Variants in KCNQ2 observed in about 807,000 individuals in gnomAD.
KCNQ2 encodes potassium voltage-gated channel subfamily Q member 2.
Under a neutral mutation model 84.8 loss-of-function variants are expected in KCNQ2, and 14 were observed. The observed-to-expected ratio is 0.17, with a 90% CI of 0.11 to 0.26. The LOEUF is 0.26. Among genes scored for constraint, KCNQ2 ranks in the 10% least tolerant of loss-of-function variants. The probability of loss-of-function intolerance (pLI) is 1.00; values close to 1 mark genes in which losing one functional copy is unlikely to be tolerated. For synonymous variants in KCNQ2, 599 were observed against 554.1 expected (o/e 1.08, Z -1.14); for missense variants, 788 against 1,254.0 (o/e 0.63, Z 5.61).
intron 15 of KCNQ2, among the ~76,000 whole-genome samples, chr20:63,411,604 C>T (rs556354544): frequency 6.6e-6 from 1 of 152,268 alleles, no homozygotes; most frequent in East Asian, 1.9e-4. Flanking sequence ...CTGCCTGGGG[C>T]CCTGGTGGAG....
At chr20:63,453,222 G>A (rs1056374953) in intron 1 of KCNQ2, among the ~76,000 whole-genome samples, 22 of 152,348 alleles carry the variant, frequency 1.4e-4, no homozygotes, top group African/African-American at 4.1e-4. Flanking sequence ...CTTCCAGCTC[G>A]AAGGCACTGG....
At chr20:63,424,416 C>A in intron 10 of KCNQ2, 1 of 604,246 alleles carries the variant, frequency 1.7e-6, no homozygotes, top group Non-Finnish European at 2.9e-6. Flanking sequence ...GAGGCAGCTC[C>A]GAGAGGGAAG....
At chr20:63,436,309 A>G (rs1297563457) in intron 7 of KCNQ2, among the ~76,000 whole-genome samples, 1 of 152,214 alleles carries the variant, frequency 6.6e-6, no homozygotes, top group East Asian at 1.9e-4. Context: ...AGGCGGGAGG[A>G]TCACGAAGTC....
At chr20:63,439,497 C>G in intron 6 of KCNQ2, 101 bp downstream of exon 6, 1 of 882,834 alleles carries the variant, frequency 1.1e-6, no homozygotes, top group Non-Finnish European at 1.9e-6. Context: ...TGCTCCTGCC[C>G]CAGGTCCCAC....
chr20:63,413,315 G>A (rs2080179738), intron 15 of KCNQ2, 135 bp downstream of exon 15: 1 of 963,182 alleles, frequency 1.0e-6, no homozygotes, highest in Non-Finnish European at 1.6e-6. Context: ...AACAGAAGCT[G>A]ACAGAGGCCG....
In KCNQ2 at chr20:63,408,194, G is replaced by A. The variant is rs1479707517; in HGVS notation, c.1887+219C>T. On this transcript the variant is annotated intron_variant, in intron 16 of 16. Transcript: ENST00000359125. This position sits in a 1 kb window ranked among gnomAD's most constrained non-coding sequence, Gnocchi z 5.0. The stretch of plus-strand genomic sequence containing the variant: ...GACTCCTGGGGACTTTGGCCCTTGG[G>A]TACTGTCAGGAGGGAAGGCACCCAG... 2.0e-5 allele frequency: 12 copies of A among 585,968 alleles called. No individual in the cohort carries two copies. Among genetic ancestry groups the A allele is most frequent in the Non-Finnish European group, 3.6e-5 (12 of 331,452 alleles). The allele number at this position is 585,968 out of a possible 1,614,324, so 36.3% of individuals were successfully genotyped here.
At position 63,402,354 on chromosome 20, in the gene KCNQ2, G is replaced by A. The variant is rs1568845760; in HGVS notation, c.*4290C>T. The A allele has an allele frequency of 6.4e-6, 1 of 156,296 alleles. No homozygotes were observed. The highest frequency in any genetic ancestry group is 1.4e-5 in the Non-Finnish European group (1 of 70,596). The allele number at this position is 156,296 out of a possible 1,614,324, so 9.7% of individuals were successfully genotyped here. A position where few individuals can be genotyped will look rare whatever the true frequency, so the allele number is the denominator to read the frequency against. ...AACCTGTGATCTTGCCAATGCCCCA[G>A]CCTCTGCTCTGTACGGCATTCATAG... On this transcript the variant is annotated 3_prime_UTR_variant, in exon 17 of 17. Coordinates refer to ENST00000359125, the MANE Select transcript of KCNQ2 (RefSeq NM_172107.4).
rs62208030 is a variant in KCNQ2, at chr20:63,442,728, T to C, written c.691-197A>G. ...ACCATCACCACCACCACCACCATCA[T>C]CACCACCTCCACCATCACCACCATC... On this transcript the variant is annotated intron_variant, in intron 4 of 16. Coordinates refer to ENST00000359125, the MANE Select transcript of KCNQ2 (RefSeq NM_172107.4). Among the ~76,000 whole-genome samples, 19,795 of 33,686 alleles carry C rather than the reference T, an allele frequency of 0.59. 5,273 individuals carry two copies. The highest frequency in any genetic ancestry group is 0.67 in the East Asian group (595 of 894). 22.1% of individuals were successfully genotyped at this position (33,686 alleles called of 152,430 possible). A position where few individuals can be genotyped will look rare whatever the true frequency, so the allele number is the denominator to read the frequency against.
Position 63,423,294 on chromosome 20 carries a change from C to T in KCNQ2, c.1247+883G>A, listed in dbSNP as rs564613821. Among the ~76,000 whole-genome samples the T allele has an allele frequency of 2.0e-5, 3 of 152,294 alleles. No homozygotes were observed. In the South Asian group the frequency reaches 6.2e-4, roughly 32 times the overall value. ...CGCACCCAAGCCCCGCAGTGTCTCG[C>T]CAGCTGTCACCCGCAGTCCAGGAGG... On this transcript the variant is annotated intron_variant, in intron 11 of 16. Coordinates refer to ENST00000359125, the MANE Select transcript of KCNQ2 (RefSeq NM_172107.4).
At chr20:63,427,750 A>G (rs1474258404) in intron 10 of KCNQ2, among the ~76,000 whole-genome samples, 1 of 152,192 alleles carries the variant, frequency 6.6e-6, no homozygotes. Context: ...ATCCAGGATG[A>G]TCTGAGATCG....
chr20:63,427,838 A>C (rs1326101763), intron 10 of KCNQ2, among the ~76,000 whole-genome samples: 2 of 152,212 alleles, frequency 1.3e-5, no homozygotes, highest in African/African-American at 4.8e-5. Context: ...CCCCTGCCCC[A>C]CCAAGGGCTT....
At chr20:63,445,174 G>A in intron 3 of KCNQ2, 64 bp downstream of exon 3, 1 of 1,611,436 alleles carries the variant, frequency 6.2e-7, no homozygotes, top group Non-Finnish European at 8.5e-7. Flanking sequence ...GCTCCCCCCA[G>A]GGCTGAGTCC....
intron 1 of KCNQ2, among the ~76,000 whole-genome samples, chr20:63,454,920 G>C (rs2081732673): frequency 6.6e-6 from 1 of 152,218 alleles, no homozygotes; most frequent in African/African-American, 2.4e-5. Flanking sequence ...CACCACCTCA[G>C]ACCCAGGCCC....
At position 63,425,755 on chromosome 20, in the gene KCNQ2, G is replaced by A. The variant is rs372640953; in HGVS notation, c.1218-1549C>T. ...AAAAGAAATCCCACCCATTCAAAAC[G>A]TCCCAAATCCCATCCTCTGAAGTCA... On this transcript the variant is annotated intron_variant, in intron 10 of 16. Coordinates refer to ENST00000359125, the MANE Select transcript of KCNQ2 (RefSeq NM_172107.4). The surrounding 1 kb of genome is among the most constrained non-coding windows in gnomAD (Gnocchi z 5.5). 6.6e-6 allele frequency among the ~76,000 whole-genome samples: 1 copy of A among 152,050 alleles called. No homozygotes were observed. Among genetic ancestry groups the A allele is most frequent in the South Asian group, 2.1e-4 (1 of 4,820 alleles).
At chr20:63,432,680 C>A (rs1158849184) in intron 8 of KCNQ2, among the ~76,000 whole-genome samples, 1 of 148,896 alleles carries the variant, frequency 6.7e-6, no homozygotes, top group Non-Finnish European at 1.5e-5. Context: ...AAGGCCCCAC[C>A]CTCAGGGAAG....
chr20:63,460,235 C>A lies in KCNQ2; in HGVS notation c.296+11933G>T, dbSNP rs550770405. On this transcript the variant is annotated intron_variant, in intron 1 of 16. Coordinates refer to ENST00000359125, the MANE Select transcript of KCNQ2 (RefSeq NM_172107.4). This position sits in a 1 kb window ranked among gnomAD's most constrained non-coding sequence, Gnocchi z 5.4. ...AGGTCCCTCCCTGGCCTTACCCAAG[C>A]CCTTAGCAGCTTTGGGGAGCAAAGG... 6.6e-6 allele frequency among the ~76,000 whole-genome samples: 1 copy of A among 152,320 alleles called. No individual in the cohort carries two copies. Among genetic ancestry groups the A allele is most frequent in the South Asian group, 2.1e-4 (1 of 4,822 alleles).
chr20:63,428,008 G>A (rs950447951), intron 10 of KCNQ2, among the ~76,000 whole-genome samples: 2 of 152,218 alleles, frequency 1.3e-5, no homozygotes, highest in East Asian at 1.9e-4. Flanking sequence ...GGCAGCAGGC[G>A]CCATCAGCAC....
In KCNQ2 at chr20:63,401,648, G is replaced by A. The variant is rs144147123; in HGVS notation, c.*4996C>T. The A allele has an allele frequency of 4.9e-4, 77 of 157,624 alleles. No homozygotes were observed. Among genetic ancestry groups the A allele is most frequent in the Non-Finnish European group, 9.1e-4 (65 of 71,534 alleles). 9.8% of individuals were successfully genotyped at this position (157,624 alleles called of 1,614,324 possible). On this transcript the variant is annotated 3_prime_UTR_variant, in exon 17 of 17. Transcript: ENST00000359125. ...CTCTTCACGCCACCCCCATGCCCTG[G>A]ACATACGTGCATGTGACCTGGGAGT...
chr20:63,400,391 GAGT>G lies in KCNQ2; in HGVS notation c.*6250_*6252del, dbSNP rs2079785095. ...GGCTCTGGCATCAACCTGTCCGTGT[GAGT>G]AAGTTAATATCTCAGCTAATCTGTT... On this transcript the variant is annotated 3_prime_UTR_variant, in exon 17 of 17. Coordinates refer to ENST00000359125, the MANE Select transcript of KCNQ2 (RefSeq NM_172107.4). This position sits in a 1 kb window ranked among gnomAD's most constrained non-coding sequence, Gnocchi z 8.7. 1 of 387,262 alleles carries G rather than the reference GAGT, an allele frequency of 2.6e-6. No homozygotes were observed. 24.0% of individuals were successfully genotyped at this position (387,262 alleles called of 1,614,324 possible). A position where few individuals can be genotyped will look rare whatever the true frequency, so the allele number is the denominator to read the frequency against.
Sources: allele counts gnomAD v4.1 joint callset (sites outside exome capture counted in the v4.1 genomes callset), GRCh38; gene constraint gnomAD v4.1.1; non-coding constraint Gnocchi (gnomAD v3.1); transcripts MANE v1.5; gene names NCBI Gene and HGNC (gene_info 2026-07-23, HGNC 2026-07-21).